Variants in C1GALT1 observed in about 807,000 individuals in gnomAD.
C1GALT1 encodes glycoprotein-N-acetylgalactosamine 3-beta-galactosyltransferase 1.
Under a neutral mutation model 31.0 loss-of-function variants are expected in C1GALT1, and 11 were observed. The observed-to-expected ratio is 0.36, with a 90% CI of 0.22 to 0.59. C1GALT1 has a LOEUF of 0.59. Ranked by LOEUF, C1GALT1 falls within the 20% of genes least tolerant of loss-of-function variation. The pLI, the probability that C1GALT1 is intolerant of heterozygous loss-of-function variation, is 0.79. For synonymous variants in C1GALT1, 175 were observed against 143.6 expected, an observed-to-expected ratio of 1.22 and a Z score of -1.56; for missense variants, 424 against 425.2, an observed-to-expected ratio of 1.00 and a Z score of 0.03.
At chr7:7,188,485 A>G (rs1780918050) in intron 1 of C1GALT1, among the ~76,000 whole-genome samples, 1 of 152,176 alleles carries the variant, frequency 6.6e-6, no homozygotes, top group Non-Finnish European at 1.5e-5. Context: ...AATTTTTATC[A>G]TATTATTTCA....
At chr7:7,241,950 A>G (rs13242769) in intron 3 of C1GALT1, among the ~76,000 whole-genome samples, 9,525 of 152,096 alleles carry the variant, frequency 0.063, 382 homozygotes, top group East Asian at 0.17. Flanking sequence ...ATTATTTTAC[A>G]GAATATAAAA....
chr7:7,196,040 T>A (rs933156787), intron 1 of C1GALT1, among the ~76,000 whole-genome samples: 1 of 151,964 alleles, frequency 6.6e-6, no homozygotes, highest in Non-Finnish European at 1.5e-5. Flanking sequence ...TTGTTGTTGT[T>A]GTTGTTGTTG....
At chr7:7,183,783 T>C (rs1176704271) in intron 1 of C1GALT1, among the ~76,000 whole-genome samples, 1 of 150,988 alleles carries the variant, frequency 6.6e-6, no homozygotes, top group East Asian at 2.0e-4. Context: ...CCATTGTACA[T>C]ACTACTGTAT....
Position 7,248,616 on chromosome 7 carries a change from A to T in C1GALT1, c.*4889A>T, listed in dbSNP as rs1462288579. 6.6e-6 allele frequency: 1 copy of T among 152,042 alleles called. No individual in the cohort carries two copies. The highest frequency in any genetic ancestry group is 2.4e-5 in the African/African-American group (1 of 41,442). 9.4% of individuals were successfully genotyped at this position (152,042 alleles called of 1,614,324 possible). A position where few individuals can be genotyped will look rare whatever the true frequency, so the allele number is the denominator to read the frequency against. ...GCATAAAATAAATTGCCATGTTCAA[A>T]GTTGTTTCATCTGATTATTTTTAAC... On this transcript the variant is annotated 3_prime_UTR_variant, in exon 4 of 4. Coordinates refer to ENST00000436587, the MANE Select transcript of C1GALT1 (RefSeq NM_020156.5).
intron 1 of C1GALT1, chr7:7,209,494 T>C (rs1465557308): frequency 6.6e-6 from 1 of 152,226 alleles, no homozygotes; most frequent in Non-Finnish European, 1.5e-5. Context: ...AAATGGATAC[T>C]TTGTGCATAT....
intron 1 of C1GALT1, among the ~76,000 whole-genome samples, chr7:7,213,343 CTT>C (rs1318683522): frequency 6.6e-6 from 1 of 152,156 alleles, no homozygotes; most frequent in African/African-American, 2.4e-5. Context: ...TTTACAGTAA[CTT>C]TAGCCTTAAT....
chr7:7,182,792 G>C lies in C1GALT1; in HGVS notation c.-46G>C, dbSNP rs1787257743. The stretch of plus-strand genomic sequence containing the variant: ...CGTCCCCCTCTCCGCCCCCCAGGAG[G>C]GGCGAGAGGGAGCCGCAGCTGATGT... On this transcript the variant is annotated 5_prime_UTR_variant, in exon 1 of 4. Coordinates refer to ENST00000436587, the MANE Select transcript of C1GALT1 (RefSeq NM_020156.5). 1 of 985,346 alleles carries C rather than the reference G, an allele frequency of 1.0e-6. No individual in the cohort carries two copies. The highest frequency in any genetic ancestry group is 1.2e-6 in the Non-Finnish European group (1 of 830,026). The allele number at this position is 985,346 out of a possible 1,614,324, so 61.0% of individuals were successfully genotyped here. A position where few individuals can be genotyped will look rare whatever the true frequency, so the allele number is the denominator to read the frequency against.
At chr7:7,162,775 CTGT>C (rs1337287645) in intron 2 of C1GALT1, among the ~76,000 whole-genome samples, 1 of 152,146 alleles carries the variant, frequency 6.6e-6, no homozygotes, top group Non-Finnish European at 1.5e-5. Flanking sequence ...TCTCCGGAAC[CTGT>C]TGTTTCCTGA....
Position 7,182,828 on chromosome 7 carries a change from C to A in C1GALT1, c.-18+8C>A, listed in dbSNP as rs1780642098. ...AGCCGCAGCTGATGTCAGGTATGGC[C>A]GGCGGAGGCGCCCTCAGGCTACGGG... On this transcript the variant is annotated splice_region_variant and intron_variant, in intron 1 of 3. Transcript: ENST00000436587. 3.0e-6 allele frequency: 3 copies of A among 985,558 alleles called. No individual in the cohort carries two copies. Among genetic ancestry groups the A allele is most frequent in the East Asian group, 1.1e-4 (1 of 8,790 alleles). 61.1% of individuals were successfully genotyped at this position (985,558 alleles called of 1,614,324 possible). A position where few individuals can be genotyped will look rare whatever the true frequency, so the allele number is the denominator to read the frequency against.
intron 1 of C1GALT1, among the ~76,000 whole-genome samples, chr7:7,233,240 G>C (rs1304702466): frequency 6.6e-6 from 1 of 152,032 alleles, no homozygotes; most frequent in Admixed American, 6.6e-5. Context: ...TCTAGATCTT[G>C]CAGTATAGAG....
At chr7:7,213,280 A>G (rs1253243068) in intron 1 of C1GALT1, among the ~76,000 whole-genome samples, 1 of 152,188 alleles carries the variant, frequency 6.6e-6, no homozygotes, top group Non-Finnish European at 1.5e-5. Context: ...GCAAATGACA[A>G]AATTTTCAGG....
At chr7:7,241,739 CTA>C in intron 3 of C1GALT1, among the ~76,000 whole-genome samples, 1 of 152,066 alleles carries the variant, frequency 6.6e-6, no homozygotes. Context: ...ACTGAATTCT[CTA>C]TTTCTGATGA....
chr7:7,234,344 T>G lies in C1GALT1; in HGVS notation c.25T>G (p.Phe9Val), dbSNP rs1388513624. The change falls in exon 2 of 4, where the codon TTT becomes GTT. Residue 9 changes from phenylalanine (F) to valine (V), a missense_variant. Transcript: ENST00000436587. MASKSWLN[F>V]LTFLCGSAIG... ...AATGGCCTCTAAATCCTGGCTGAATTTTTTAACCTTCCTCTGTGGATCAGC... is the reference window on the plus strand; with the variant it reads ...AATGGCCTCTAAATCCTGGCTGAATGTTTTAACCTTCCTCTGTGGATCAGC... 6.2e-7 allele frequency: 1 copy of G among 1,613,812 alleles called. No homozygotes were observed. The highest frequency in any genetic ancestry group is 1.3e-5 in the African/African-American group (1 of 75,022).
At chr7:7,159,221 A>G (rs958204553) in intron 2 of C1GALT1, among the ~76,000 whole-genome samples, 1 of 152,180 alleles carries the variant, frequency 6.6e-6, no homozygotes, top group Non-Finnish European at 1.5e-5. Context: ...TCTTTTTACA[A>G]TGCTTGGCAC....
intron 2 of C1GALT1, among the ~76,000 whole-genome samples, chr7:7,174,698 G>A (rs527304369): frequency 1.3e-5 from 2 of 152,026 alleles, no homozygotes; most frequent in South Asian, 2.1e-4. Flanking sequence ...TTATCTTCAA[G>A]TTCACTGACT....
chr7:7,222,871 A>G (rs941398775), intron 1 of C1GALT1, among the ~76,000 whole-genome samples: 4 of 149,818 alleles, frequency 2.7e-5, no homozygotes, highest in Non-Finnish European at 5.9e-5. Context: ...ATTTTGTATT[A>G]TAATTCAATC....
intron 3 of C1GALT1, among the ~76,000 whole-genome samples, chr7:7,243,194 G>A (rs1466636822): frequency 6.6e-6 from 1 of 152,092 alleles, no homozygotes; most frequent in Non-Finnish European, 1.5e-5. Context: ...TGTTGGAGAA[G>A]GAGATTTCTC....
At position 7,248,028 on chromosome 7, in the gene C1GALT1, C is replaced by A. The variant is rs1346921610; in HGVS notation, c.*4301C>A. On this transcript the variant is annotated 3_prime_UTR_variant, in exon 4 of 4. Coordinates refer to ENST00000436587, the MANE Select transcript of C1GALT1 (RefSeq NM_020156.5). ...CTCACCCTTTTCTCAAAAACAACAA[C>A]AAAAAACAAAACTCATTTTATTTTT... 6.6e-6 allele frequency: 1 copy of A among 151,912 alleles called. No individual in the cohort carries two copies. The highest frequency in any genetic ancestry group is 6.5e-5 in the Admixed American group (1 of 15,270). 9.4% of individuals were successfully genotyped at this position (151,912 alleles called of 1,614,324 possible).
chr7:7,166,037 C>T (rs752154544), intron 2 of C1GALT1, among the ~76,000 whole-genome samples: 1 of 152,118 alleles, frequency 6.6e-6, no homozygotes, highest in Non-Finnish European at 1.5e-5. Flanking sequence ...TACTTCTGGT[C>T]CCAGGCACTT....
Sources: allele counts gnomAD v4.1 joint callset (sites outside exome capture counted in the v4.1 genomes callset), GRCh38; gene constraint gnomAD v4.1.1; transcripts MANE v1.5; gene names NCBI Gene and HGNC (gene_info 2026-07-23, HGNC 2026-07-21).